Variants in ADAMTSL1 observed in about 807,000 individuals in gnomAD.
The protein encoded by ADAMTSL1 is ADAMTS like 1.
Under a neutral mutation model 201.8 loss-of-function variants are expected in ADAMTSL1, and 126 were observed. The observed-to-expected ratio is 0.62, with a 90% CI of 0.54 to 0.72. The LOEUF is 0.72. Ranked by LOEUF, ADAMTSL1 falls within the 30% of genes least tolerant of loss-of-function variation. The pLI, the probability that ADAMTSL1 is intolerant of heterozygous loss-of-function variation, is 0.00. For missense variants in ADAMTSL1, 2,679 were observed against 2,277.8 expected, an observed-to-expected ratio of 1.18 and a Z score of -3.59; for synonymous variants, 1,121 against 903.4, an observed-to-expected ratio of 1.24 and a Z score of -4.32.
intron 2 of ADAMTSL1, among the ~76,000 whole-genome samples, chr9:18,231,086 G>T (rs1268383915): frequency 6.6e-6 from 1 of 152,050 alleles, no homozygotes; most frequent in East Asian, 1.9e-4. Context: ...CCTCAGACCA[G>T]CTCTACCTTT....
intron 1 of ADAMTSL1, among the ~76,000 whole-genome samples, chr9:18,054,546 C>T (rs926242480): frequency 6.6e-6 from 1 of 152,152 alleles, no homozygotes; most frequent in East Asian, 1.9e-4. Context: ...TTCTTACATT[C>T]TAGGTCCTAT....
chr9:18,151,688 A>T (rs546782494), intron 1 of ADAMTSL1, among the ~76,000 whole-genome samples: 1 of 152,188 alleles, frequency 6.6e-6, no homozygotes, highest in East Asian at 1.9e-4. Context: ...TTTATAACAT[A>T]GTAAGAAAGG....
chr9:18,226,787 A>G (rs1830446516), intron 2 of ADAMTSL1, among the ~76,000 whole-genome samples: 2 of 152,114 alleles, frequency 1.3e-5, no homozygotes. Flanking sequence ...TGAGGGGTTC[A>G]TTGAAATGTT....
At chr9:18,616,611 C>T (rs75970406) in intron 4 of ADAMTSL1, among the ~76,000 whole-genome samples, 15,612 of 152,142 alleles carry the variant, frequency 0.1, 882 homozygotes, top group Middle Eastern at 0.18. Context: ...AGTAGATTCT[C>T]TGACTCTTAC....
At chr9:18,720,948 A>G (rs916804575) in intron 14 of ADAMTSL1, among the ~76,000 whole-genome samples, 1 of 152,152 alleles carries the variant, frequency 6.6e-6, no homozygotes, top group Admixed American at 6.5e-5. Context: ...GGCTGTGGTT[A>G]TTATGCATCT....
chr9:18,378,816 GTTGTTTGTTTGT>G (rs138419004), intron 2 of ADAMTSL1, among the ~76,000 whole-genome samples: 2 of 151,800 alleles, frequency 1.3e-5, no homozygotes, highest in Non-Finnish European at 2.9e-5. Context: ...GTTTTTTGTT[GTTGTTTGTTTGT>G]TTGTTTGTTT....
intron 1 of ADAMTSL1, among the ~76,000 whole-genome samples, chr9:18,150,238 G>A (rs1826849073): frequency 6.6e-6 from 1 of 152,050 alleles, no homozygotes; most frequent in Non-Finnish European, 1.5e-5. Context: ...TAACAATGGA[G>A]CACCAGAGAG....
chr9:17,919,468 T>C (rs1189537919), intron 1 of ADAMTSL1, among the ~76,000 whole-genome samples: 1 of 152,022 alleles, frequency 6.6e-6, no homozygotes, highest in Non-Finnish European at 1.5e-5. Flanking sequence ...GTACCCTTTA[T>C]ATCACCCCCT....
At chr9:18,884,873 G>A (rs1045593849) in intron 23 of ADAMTSL1, among the ~76,000 whole-genome samples, 6 of 151,782 alleles carry the variant, frequency 4.0e-5, no homozygotes, top group Non-Finnish European at 7.4e-5. Context: ...AGTTATTCTG[G>A]GTTTTTGATA....
intron 5 of ADAMTSL1, among the ~76,000 whole-genome samples, chr9:18,635,381 G>C (rs1827048484): frequency 6.6e-6 from 1 of 152,098 alleles, no homozygotes; most frequent in South Asian, 2.1e-4. Flanking sequence ...GTATAGTGTA[G>C]AGAAATGTTA....
At chr9:18,372,531 G>A (rs1380886805) in intron 2 of ADAMTSL1, among the ~76,000 whole-genome samples, 1 of 152,098 alleles carries the variant, frequency 6.6e-6, no homozygotes, top group African/African-American at 2.4e-5. Flanking sequence ...TCTTAATAAT[G>A]GGCTTGAACT....
At chr9:18,419,604 C>A (rs1818847115) in intron 2 of ADAMTSL1, among the ~76,000 whole-genome samples, 1 of 152,108 alleles carries the variant, frequency 6.6e-6, no homozygotes, top group African/African-American at 2.4e-5. Flanking sequence ...TGGAATACTA[C>A]TTAACAAGTA....
Position 18,514,327 on chromosome 9 carries a change from C to CTTTCT in ADAMTSL1, c.191+9374_191+9375insCTTTT, listed in dbSNP as rs1554693081. ...GTAGAATTGCAACTGATTTTTCTTT[C>CTTTCT]TTTTTTTTTTTTTTTTTTTTTTTGA... is the stretch of plus-strand genomic sequence containing the variant. On this transcript the variant is annotated intron_variant, in intron 2 of 28. Transcript: ENST00000380548. Among the ~76,000 whole-genome samples, 254 of 100,112 alleles carry CTTTCT rather than the reference C, an allele frequency of 2.5e-3. 1 individual carries two copies. The highest frequency in any genetic ancestry group is 3.5e-3 in the Non-Finnish European group (175 of 49,376). 65.7% of individuals were successfully genotyped at this position (100,112 alleles called of 152,430 possible).
chr9:18,448,507 C>T (rs1277481546), intron 2 of ADAMTSL1, among the ~76,000 whole-genome samples: 1 of 152,142 alleles, frequency 6.6e-6, no homozygotes, highest in Non-Finnish European at 1.5e-5. Context: ...AAAATATCGA[C>T]CACAGGCACA....
At chr9:17,979,431 C>G (rs772614508) in intron 1 of ADAMTSL1, among the ~76,000 whole-genome samples, 68 of 152,110 alleles carry the variant, frequency 4.5e-4, no homozygotes, top group Admixed American at 1.2e-3. Flanking sequence ...CATAGATTCT[C>G]TCTTGATCAA....
intron 13 of ADAMTSL1, among the ~76,000 whole-genome samples, chr9:18,689,931 G>A (rs1831112492): frequency 6.6e-6 from 1 of 152,156 alleles, no homozygotes; most frequent in Non-Finnish European, 1.5e-5. Flanking sequence ...CTATGTTTGT[G>A]CTTCAACAAA....
chr9:18,196,870 CA>C (rs1771727628), intron 2 of ADAMTSL1, among the ~76,000 whole-genome samples: 2 of 152,066 alleles, frequency 1.3e-5, no homozygotes, highest in South Asian at 4.1e-4. Context: ...CCAGCTTCTT[CA>C]TGCCCTCAGG....
At chr9:18,418,535 T>C (rs928515022) in intron 2 of ADAMTSL1, among the ~76,000 whole-genome samples, 1 of 152,052 alleles carries the variant, frequency 6.6e-6, no homozygotes, top group Non-Finnish European at 1.5e-5. Context: ...TACAAGATGA[T>C]TGGACAAAAA....
At chr9:18,907,986 C>G (rs970360072) in intron 28 of ADAMTSL1, 5 of 184,674 alleles carry the variant, frequency 2.7e-5, no homozygotes, top group Admixed American at 5.4e-5. Context: ...ACGCAAGTCT[C>G]ACTTCACACT....
Sources: gnomAD v4.1 joint callset for allele counts (sites outside exome capture counted in the v4.1 genomes callset) on GRCh38, gnomAD v4.1.1 for gene constraint, MANE v1.5 for transcripts, NCBI Gene and HGNC (gene_info 2026-07-23, HGNC 2026-07-21) for gene names.